The following MACROD2 variants were observed in gnomAD, a reference collection of about 807,000 sequenced individuals.
The protein encoded by MACROD2 is mono-ADP ribosylhydrolase 2.
Under a neutral mutation model 70.4 loss-of-function variants are expected in MACROD2, and 36 were observed. That is an observed-to-expected ratio of 0.51 (90% CI 0.39 to 0.68). MACROD2 has a LOEUF of 0.68. MACROD2 is among the 30% of genes least tolerant of loss of function. The probability of loss-of-function intolerance (pLI) is 0.00; values close to 1 mark genes in which losing one functional copy is unlikely to be tolerated. For synonymous variants in MACROD2, 172 were observed against 178.8 expected (o/e 0.96, Z 0.30); for missense variants, 496 against 538.4 (o/e 0.92, Z 0.78).
In MACROD2 at chr20:14,804,871, G is replaced by T. The variant is rs141519095; in HGVS notation, c.418+119912G>T. 5.3e-3 allele frequency among the ~76,000 whole-genome samples: 795 copies of T among 150,992 alleles called. 17 individuals are homozygous for T. The highest frequency in any genetic ancestry group is 0.018 in the African/African-American group (745 of 40,866). On this transcript the variant is annotated intron_variant, in intron 5 of 17. Transcript: ENST00000684519. ...GAGGTGTCCAGGTGTGTGTGTGTGTGTGCTTTTGTGTGTGTGTGTGTGAGA... is the reference window on the plus strand; with the variant it reads ...GAGGTGTCCAGGTGTGTGTGTGTGTTTGCTTTTGTGTGTGTGTGTGTGAGA...
chr20:16,022,183 A>G (rs1333757220), intron 15 of MACROD2, among the ~76,000 whole-genome samples: 1 of 151,426 alleles, frequency 6.6e-6, no homozygotes, highest in Non-Finnish European at 1.5e-5. Context: ...CCTGCGTAGC[A>G]GGGACTACAG....
At chr20:14,355,560 C>T (rs754900887) in intron 3 of MACROD2, among the ~76,000 whole-genome samples, 5 of 146,202 alleles carry the variant, frequency 3.4e-5, no homozygotes, top group Non-Finnish European at 6.1e-5. Flanking sequence ...ATTTTGTAAC[C>T]ATTTATGTGG....
At chr20:15,255,382 A>G (rs2077190907) in intron 6 of MACROD2, among the ~76,000 whole-genome samples, 1 of 152,144 alleles carries the variant, frequency 6.6e-6, no homozygotes, top group South Asian at 2.1e-4. Context: ...TCAGTCTCCC[A>G]CAAGACCACC....
chr20:16,017,035 C>A (rs1442807693), intron 15 of MACROD2, among the ~76,000 whole-genome samples: 1 of 152,174 alleles, frequency 6.6e-6, no homozygotes, highest in Non-Finnish European at 1.5e-5. Context: ...GGTTCCCTTG[C>A]TTTATCTGTA....
chr20:14,810,016 G>A (rs946158720), intron 5 of MACROD2, among the ~76,000 whole-genome samples: 1 of 152,038 alleles, frequency 6.6e-6, no homozygotes, highest in African/African-American at 2.4e-5. Flanking sequence ...GGTACAAAGA[G>A]GAGCCGGTAC....
chr20:15,844,534 G>C (rs1347082388), intron 8 of MACROD2, among the ~76,000 whole-genome samples: 3 of 152,098 alleles, frequency 2.0e-5, no homozygotes, highest in South Asian at 2.1e-4. Flanking sequence ...TAAGCAACTT[G>C]CCCAAGATTA....
At chr20:14,449,285 A>G (rs1285652597) in intron 3 of MACROD2, among the ~76,000 whole-genome samples, 2 of 152,114 alleles carry the variant, frequency 1.3e-5, no homozygotes, top group Non-Finnish European at 2.9e-5. Context: ...CTTACTTGGC[A>G]TTGTTTTCAA....
chr20:14,954,976 A>AT, intron 5 of MACROD2, among the ~76,000 whole-genome samples: 5 of 2,310 alleles, frequency 2.2e-3, no homozygotes, highest in Admixed American at 7.6e-3. Flanking sequence ...ATTTTATATA[A>AT]TTAAATATAT....
In MACROD2 at chr20:14,120,685, A is replaced by T. The variant is rs549584404; in HGVS notation, c.271+34957A>T. ...GATATATATATATATCACATGTATT[A>T]TATATATATATATAATGGAATACAT... On this transcript the variant is annotated intron_variant, in intron 3 of 17. Coordinates refer to ENST00000684519, the MANE Select transcript of MACROD2 (RefSeq NM_001351661.2). Among the ~76,000 whole-genome samples the T allele has an allele frequency of 2.3e-3, 349 of 149,386 alleles. 3 individuals carry two copies. The highest frequency in any genetic ancestry group is 8.2e-3 in the African/African-American group (336 of 40,838).
At chr20:15,642,956 C>A (rs6074928) in intron 8 of MACROD2, among the ~76,000 whole-genome samples, 13 of 152,176 alleles carry the variant, frequency 8.5e-5, no homozygotes, top group Non-Finnish European at 1.5e-4. Context: ...CGCATGGGCC[C>A]TTATAAAGTC....
intron 8 of MACROD2, among the ~76,000 whole-genome samples, chr20:15,812,250 A>G (rs929750956): frequency 6.6e-6 from 1 of 152,200 alleles, no homozygotes; most frequent in African/African-American, 2.4e-5. Context: ...TATTGAGTTG[A>G]ATTGAGTCCT....
chr20:15,410,597 C>T (rs1449780335), intron 6 of MACROD2, among the ~76,000 whole-genome samples: 9 of 152,102 alleles, frequency 5.9e-5, no homozygotes, highest in Non-Finnish European at 5.9e-5. Context: ...TACTGATATA[C>T]CACTGTCATA....
At chr20:13,997,356 A>G (rs1427251636) in intron 1 of MACROD2, among the ~76,000 whole-genome samples, 5 of 152,192 alleles carry the variant, frequency 3.3e-5, no homozygotes. Flanking sequence ...CCTTGTGAGC[A>G]CTGAAAAATC....
At chr20:14,474,036 G>A (rs1446294438) in intron 3 of MACROD2, among the ~76,000 whole-genome samples, 1 of 151,704 alleles carries the variant, frequency 6.6e-6, no homozygotes, top group Non-Finnish European at 1.5e-5. Context: ...TTGCTTTGGA[G>A]CTGCTTGAGT....
At chr20:15,883,654 G>T (rs189886519) in intron 9 of MACROD2, among the ~76,000 whole-genome samples, 1 of 151,982 alleles carries the variant, frequency 6.6e-6, no homozygotes, top group Non-Finnish European at 1.5e-5. Flanking sequence ...AAATTTGGCT[G>T]GGATGACTAA....
intron 6 of MACROD2, among the ~76,000 whole-genome samples, chr20:15,418,776 A>T (rs2046189502): frequency 6.6e-6 from 1 of 152,150 alleles, no homozygotes; most frequent in Non-Finnish European, 1.5e-5. Context: ...CCTCTCACTG[A>T]ATCCTTTCCC....
At chr20:14,809,002 C>A (rs1278739342) in intron 5 of MACROD2, among the ~76,000 whole-genome samples, 2 of 152,008 alleles carry the variant, frequency 1.3e-5, no homozygotes, top group African/African-American at 2.4e-5. Context: ...GACTTTAACA[C>A]CCCACTGTCA....
chr20:14,800,000 T>C (rs1460429329), intron 5 of MACROD2, among the ~76,000 whole-genome samples: 1 of 152,038 alleles, frequency 6.6e-6, no homozygotes, highest in Non-Finnish European at 1.5e-5. Context: ...TAGATGCCAA[T>C]ATGGAAAGCT....
chr20:15,092,793 C>A (rs1467845539), intron 5 of MACROD2, among the ~76,000 whole-genome samples: 1 of 152,092 alleles, frequency 6.6e-6, no homozygotes, highest in African/African-American at 2.4e-5. Context: ...TAACAAAATT[C>A]ATAATTTTTG....
Sources: allele counts gnomAD v4.1 joint callset (sites outside exome capture counted in the v4.1 genomes callset), GRCh38; gene constraint gnomAD v4.1.1; transcripts MANE v1.5; gene names NCBI Gene and HGNC (gene_info 2026-07-23, HGNC 2026-07-21).